Variants in STX8 observed in about 807,000 individuals in gnomAD.
STX8 encodes syntaxin 8.
Under a neutral mutation model 37.5 loss-of-function variants are expected in STX8, and 23 were observed. That is an observed-to-expected ratio of 0.61 (90% CI 0.44 to 0.87). The LOEUF (loss-of-function observed/expected upper bound fraction) is 0.87, where lower values mean the gene tolerates loss of function less well. Ranked by LOEUF, STX8 falls within the 40% of genes least tolerant of loss-of-function variation. STX8 has a pLI of 0.00. For synonymous variants in STX8, 115 were observed against 99.1 expected (o/e 1.16, Z -0.95); for missense variants, 313 against 284.7 (o/e 1.10, Z -0.71).
At chr17:9,504,750 A>G (rs2872834) in intron 5 of STX8, among the ~76,000 whole-genome samples, 108,004 of 151,666 alleles carry the variant, frequency 0.71, 38,706 homozygotes, top group Middle Eastern at 0.85. Context: ...CAAGGTGGGA[A>G]GATCATGAGG....
intron 7 of STX8, among the ~76,000 whole-genome samples, chr17:9,318,981 C>T (rs1909477923): frequency 6.6e-6 from 1 of 152,090 alleles, no homozygotes; most frequent in African/African-American, 2.4e-5. Flanking sequence ...GAAGGGAGCT[C>T]TCCAGGAAAA....
intron 4 of STX8, among the ~76,000 whole-genome samples, chr17:9,529,595 C>T (rs947394439): frequency 1.3e-5 from 2 of 152,170 alleles, no homozygotes; most frequent in South Asian, 2.1e-4. Context: ...CAAAGGGAAC[C>T]GCTTTCGTGA....
chr17:9,375,908 G>A (rs373232371), intron 7 of STX8, among the ~76,000 whole-genome samples: 1 of 152,126 alleles, frequency 6.6e-6, no homozygotes, highest in Non-Finnish European at 1.5e-5. Flanking sequence ...CGTGAAGCTC[G>A]GGTGTGAGGC....
chr17:9,509,181 G>T (rs922193350), intron 4 of STX8, among the ~76,000 whole-genome samples: 8 of 152,064 alleles, frequency 5.3e-5, no homozygotes, highest in African/African-American at 1.7e-4. Flanking sequence ...CCTGGGAGGC[G>T]GAGGTTGCAG....
chr17:9,455,689 G>A (rs1905168230), intron 6 of STX8, among the ~76,000 whole-genome samples: 1 of 152,102 alleles, frequency 6.6e-6, no homozygotes, highest in Non-Finnish European at 1.5e-5. Flanking sequence ...TTTGACTATG[G>A]TATCAGGAAG....
intron 6 of STX8, among the ~76,000 whole-genome samples, chr17:9,461,781 C>T (rs1474006235): frequency 1.3e-5 from 2 of 152,068 alleles, no homozygotes; most frequent in African/African-American, 4.8e-5. Flanking sequence ...AATAATTCTA[C>T]AACTCACCAT....
chr17:9,445,850 T>G (rs1038209453), intron 6 of STX8, among the ~76,000 whole-genome samples: 5 of 149,526 alleles, frequency 3.3e-5, no homozygotes, highest in African/African-American at 9.8e-5. Flanking sequence ...CTTTTTTTTT[T>G]TTTTTGAGAC....
chr17:9,424,069 C>T lies in STX8; in HGVS notation c.542-45416G>A, dbSNP rs111497628. Among the ~76,000 whole-genome samples the T allele has an allele frequency of 7.2e-5, 11 of 152,258 alleles. 1 individual carries two copies. Among genetic ancestry groups the T allele is most frequent in the African/African-American group, 2.6e-4 (11 of 41,550 alleles). Reference sequence around the variant, plus strand: ...TTCCAGATGTGTTGACCTCATAAAACTGCCACCTACCCCAGGCTGTGAAAG... The same window carrying T: ...TTCCAGATGTGTTGACCTCATAAAATTGCCACCTACCCCAGGCTGTGAAAG... On this transcript the variant is annotated intron_variant, in intron 6 of 7. Coordinates refer to ENST00000306357, the MANE Select transcript of STX8 (RefSeq NM_004853.3).
chr17:9,355,332 CTTT>C (rs57991262), intron 7 of STX8, among the ~76,000 whole-genome samples: 3 of 116,254 alleles, frequency 2.6e-5, no homozygotes, highest in Admixed American at 9.5e-5. Flanking sequence ...CTTTGTGGAA[CTTT>C]TTTTTTTTTT....
At position 9,402,122 on chromosome 17, in the gene STX8, A is replaced by AT. The variant is rs1555524187; in HGVS notation, c.542-23470dup. On this transcript the variant is annotated intron_variant, in intron 6 of 7. Coordinates refer to ENST00000306357, the MANE Select transcript of STX8 (RefSeq NM_004853.3). ...TGTTTATTTATTTATTTATTTATTT[A>AT]TTATTATTTGTTTTTAGACAGCGTT... 7.3e-3 allele frequency among the ~76,000 whole-genome samples: 1,076 copies of AT among 147,124 alleles called. 12 individuals carry two copies. The highest frequency in any genetic ancestry group is 0.024 in the African/African-American group (945 of 39,116).
intron 4 of STX8, among the ~76,000 whole-genome samples, chr17:9,511,779 G>A (rs1042643999): frequency 2.0e-4 from 31 of 152,032 alleles, no homozygotes; most frequent in African/African-American, 7.0e-4. Flanking sequence ...ATTAAAATTG[G>A]AAAGGAGAAA....
At chr17:9,460,149 G>C (rs9906326) in intron 6 of STX8, among the ~76,000 whole-genome samples, 4,246 of 152,186 alleles carry the variant, frequency 0.028, 197 homozygotes, top group African/African-American at 0.095. Context: ...ACATCTTTGG[G>C]AATGATAAAG....
intron 7 of STX8, among the ~76,000 whole-genome samples, chr17:9,315,100 C>CA (rs58632329): frequency 0.013 from 1,429 of 108,904 alleles, 23 homozygotes; most frequent in African/African-American, 0.044. Flanking sequence ...GACTCTGTCT[C>CA]AAAAAAAAAA....
intron 6 of STX8, among the ~76,000 whole-genome samples, chr17:9,407,147 G>C (rs911570205): frequency 1.3e-5 from 2 of 152,204 alleles, no homozygotes; most frequent in Non-Finnish European, 2.9e-5. Flanking sequence ...AGAAGCACTG[G>C]AAAGTTTTTG....
intron 7 of STX8, among the ~76,000 whole-genome samples, chr17:9,339,477 A>G (rs577491070): frequency 5.9e-4 from 90 of 152,076 alleles, no homozygotes; most frequent in African/African-American, 2.1e-3. Flanking sequence ...ATACGGTGAA[A>G]CCCTGTCTCT....
At chr17:9,445,501 T>TGGTGGGGGAGGGGGGTGGGGG (rs1904808294) in intron 6 of STX8, among the ~76,000 whole-genome samples, 9 of 1,426 alleles carry the variant, frequency 6.3e-3, no homozygotes, top group South Asian at 0.018. Flanking sequence ...GAGGGGGGGA[T>TGGTGGGGGAGGGGGGTGGGGG]GGTGGGGGAG....
chr17:9,397,764 C>A (rs1435214610), intron 6 of STX8, among the ~76,000 whole-genome samples: 2 of 151,604 alleles, frequency 1.3e-5, no homozygotes, highest in Non-Finnish European at 2.9e-5. Flanking sequence ...CACTTGAGGT[C>A]AGTTCAAGAC....
At position 9,550,864 on chromosome 17, in the gene STX8, C is replaced by G. The variant is rs180680399; in HGVS notation, c.213-5582G>C. Among the ~76,000 whole-genome samples the G allele has an allele frequency of 1.0e-3, 155 of 152,292 alleles. No individual in the cohort carries two copies. In the East Asian group the frequency reaches 0.012, roughly 12 times the overall value. ...TTGAGGTGGGTGAATCACCTGAGGTCAGGAGTTTGAGACCAGCCTGGCCAA... is the reference window on the plus strand; with the variant it reads ...TTGAGGTGGGTGAATCACCTGAGGTGAGGAGTTTGAGACCAGCCTGGCCAA... On this transcript the variant is annotated intron_variant, in intron 3 of 7. Transcript: ENST00000306357.
chr17:9,276,432 T>C (rs1292817263), intron 7 of STX8, among the ~76,000 whole-genome samples: 1 of 152,148 alleles, frequency 6.6e-6, no homozygotes. Context: ...TACAGATGTA[T>C]GTGCTTTAAA....
Sources: gnomAD v4.1 joint callset for allele counts (sites outside exome capture counted in the v4.1 genomes callset) on GRCh38, gnomAD v4.1.1 for gene constraint, MANE v1.5 for transcripts, NCBI Gene and HGNC (gene_info 2026-07-23, HGNC 2026-07-21) for gene names.